Variants in GMFG observed in about 807,000 individuals in gnomAD.
The protein encoded by GMFG is glia maturation factor gamma.
GMFG carries 21 observed loss-of-function variants against 26.1 expected under a neutral mutation model. The observed-to-expected ratio is 0.80, with a 90% CI of 0.57 to 1.16. The LOEUF is 1.16. Ranked by LOEUF, GMFG falls within the 50% of genes most tolerant of loss-of-function variation. GMFG has a pLI of 0.00. For synonymous variants in GMFG, 65 were observed against 60.8 expected, an observed-to-expected ratio of 1.07 and a Z score of -0.32; for missense variants, 161 against 178.3, an observed-to-expected ratio of 0.90 and a Z score of 0.55.
chr19:39,335,331 G>T, intron 2 of GMFG, 21 bp from the exon 3 acceptor site: 1 of 1,590,066 alleles, frequency 6.3e-7, no homozygotes, highest in Non-Finnish European at 8.6e-7. Flanking sequence ...GTGGCACACA[G>T]GGATTAGACA....
intron 1 of GMFG, 30 bp from the exon 2 acceptor site, chr19:39,335,561 T>C (rs372077228): frequency 2.7e-6 from 4 of 1,462,966 alleles, no homozygotes; most frequent in African/African-American, 1.4e-5. Context: ...AGAGCTGAAA[T>C]GGCCTGGCCT....
At chr19:39,333,369 C>T (rs2075234972) in intron 3 of GMFG, among the ~76,000 whole-genome samples, 1 of 152,078 alleles carries the variant, frequency 6.6e-6, no homozygotes, top group South Asian at 2.1e-4. Context: ...TTGCTTGAAT[C>T]CGGGATGCAG....
chr19:39,331,812 A>G (rs2075227394), intron 4 of GMFG, among the ~76,000 whole-genome samples: 1 of 152,148 alleles, frequency 6.6e-6, no homozygotes, highest in Non-Finnish European at 1.5e-5. Flanking sequence ...AATAATAATT[A>G]ATTTGTTTGC....
At chr19:39,334,438 T>G (rs550525374) in intron 3 of GMFG, among the ~76,000 whole-genome samples, 1 of 152,136 alleles carries the variant, frequency 6.6e-6, no homozygotes, top group South Asian at 2.1e-4. Flanking sequence ...TGGCTAATTT[T>G]TGTATTTTTA....
At chr19:39,329,763 C>T (rs1568332929) in intron 4 of GMFG, 137 bp from the exon 5 acceptor site, 1 of 668,170 alleles carries the variant, frequency 1.5e-6, no homozygotes, top group East Asian at 2.7e-5. Context: ...GGGTACTGAC[C>T]TCAAACACAA....
intron 3 of GMFG, among the ~76,000 whole-genome samples, chr19:39,334,924 A>C (rs1383590259): frequency 6.6e-6 from 1 of 152,094 alleles, no homozygotes; most frequent in Non-Finnish European, 1.5e-5. Flanking sequence ...ATCTCGGCTC[A>C]CTACAGCCTC....
chr19:39,335,187 C>A, intron 3 of GMFG, 74 bp downstream of exon 3: 1 of 1,178,666 alleles, frequency 8.5e-7, no homozygotes, highest in Non-Finnish European at 1.2e-6. Flanking sequence ...CCAGGCTCTT[C>A]ATATCAGTTC....
At chr19:39,330,403 T>C (rs1225968662) in intron 4 of GMFG, among the ~76,000 whole-genome samples, 2 of 151,914 alleles carry the variant, frequency 1.3e-5, no homozygotes, top group East Asian at 3.9e-4. Flanking sequence ...TCTTTTGTAG[T>C]CTCTCTCTAG....
At chr19:39,335,190 A>G in intron 3 of GMFG, 71 bp downstream of exon 3, 1 of 1,217,584 alleles carries the variant, frequency 8.2e-7, no homozygotes, top group Non-Finnish European at 1.2e-6. Context: ...GGCTCTTCAT[A>G]TCAGTTCCAA....
At chr19:39,329,695 T>C (rs2075219048) in intron 4 of GMFG, 69 bp from the exon 5 acceptor site, 1 of 959,178 alleles carries the variant, frequency 1.0e-6, no homozygotes, top group African/African-American at 1.6e-5. Flanking sequence ...ATTACCTGAG[T>C]CCACAGCCTT....
chr19:39,335,574 G>C, intron 1 of GMFG, 43 bp from the exon 2 acceptor site: 1 of 1,307,478 alleles, frequency 7.6e-7, no homozygotes, highest in South Asian at 1.2e-5. Context: ...CCTGGCCTCA[G>C]CCCTCACCCC....
chr19:39,328,601 G>T (rs1241181714), intron 6 of GMFG, 53 bp from the exon 7 acceptor site: 7 of 1,350,062 alleles, frequency 5.2e-6, no homozygotes, highest in African/African-American at 1.4e-5. Context: ...TGAGACAGTG[G>T]CTGGGCACGG....
chr19:39,330,514 G>C (rs535101814), intron 4 of GMFG, among the ~76,000 whole-genome samples: 1 of 151,266 alleles, frequency 6.6e-6, no homozygotes, highest in Non-Finnish European at 1.5e-5. Flanking sequence ...CTGCAGTCTT[G>C]AACTCCTGGG....
At chr19:39,329,769 C>A in intron 4 of GMFG, 143 bp from the exon 5 acceptor site, 1 of 660,774 alleles carries the variant, frequency 1.5e-6, no homozygotes. Context: ...TGACCTCAAA[C>A]ACAACAAATG....
At chr19:39,332,452 G>A (rs992116189) in intron 4 of GMFG, among the ~76,000 whole-genome samples, 4 of 149,814 alleles carry the variant, frequency 2.7e-5, no homozygotes, top group Non-Finnish European at 4.4e-5. Flanking sequence ...ACAGGTGGGA[G>A]TCATAGTACC....
At chr19:39,329,803 G>A (rs2075219338) in intron 4 of GMFG, among the ~76,000 whole-genome samples, 177 bp from the exon 5 acceptor site, 1 of 152,166 alleles carries the variant, frequency 6.6e-6, no homozygotes, top group African/African-American at 2.4e-5. Flanking sequence ...CATAGGGCCG[G>A]GCGCAGGACT....
At position 39,335,958 on chromosome 19, in the gene GMFG, A is replaced by G. The variant is rs1568334719; in HGVS notation, c.3+16T>C. Reference sequence around the variant, plus strand: ...CCCCAGCCCCAGCTCTTCCCATAGAACCCCTGGCCCCTGACCATGATTGTT... The same window carrying G: ...CCCCAGCCCCAGCTCTTCCCATAGAGCCCCTGGCCCCTGACCATGATTGTT... On this transcript the variant is annotated intron_variant, in intron 1 of 6. Transcript: ENST00000597595. The G allele has an allele frequency of 1.3e-6, 2 of 1,570,554 alleles. No homozygotes were observed. Among genetic ancestry groups the G allele is most frequent in the Non-Finnish European group, 1.8e-6 (2 of 1,141,382 alleles).
chr19:39,334,305 G>C (rs942922683), intron 3 of GMFG, among the ~76,000 whole-genome samples: 2 of 150,816 alleles, frequency 1.3e-5, no homozygotes, highest in Non-Finnish European at 3.0e-5. Flanking sequence ...CGTGAGCCAC[G>C]GCACCCAGCC....
intron 4 of GMFG, among the ~76,000 whole-genome samples, chr19:39,332,548 A>G (rs1338095648): frequency 6.7e-6 from 1 of 150,282 alleles, no homozygotes; most frequent in African/African-American, 2.4e-5. Flanking sequence ...AAAAAAAAAG[A>G]CTCTTAAACC....
Sources: gnomAD v4.1 joint callset for allele counts (sites outside exome capture counted in the v4.1 genomes callset) on GRCh38, gnomAD v4.1.1 for gene constraint, MANE v1.5 for transcripts, NCBI Gene and HGNC (gene_info 2026-07-23, HGNC 2026-07-21) for gene names.